UBE2V1: variants seen among roughly 807,000 people sequenced by gnomAD.
UBE2V1 encodes the protein ubiquitin-conjugating enzyme E2 variant 1.
Under a neutral mutation model 19.6 loss-of-function variants are expected in UBE2V1, and 15 were observed. The observed-to-expected ratio is 0.77, with a 90% CI of 0.51 to 1.18. UBE2V1 has a LOEUF of 1.18. UBE2V1 is among the 50% of genes most tolerant of loss of function. The pLI, the probability that UBE2V1 is intolerant of heterozygous loss-of-function variation, is 0.00. For synonymous variants in UBE2V1, 60 were observed against 60.7 expected, an observed-to-expected ratio of 0.99 and a Z score of 0.05; for missense variants, 125 against 184.8, an observed-to-expected ratio of 0.68 and a Z score of 1.88.
intron 1 of UBE2V1, among the ~76,000 whole-genome samples, chr20:50,102,571 T>A (rs1200511396): frequency 1.3e-5 from 2 of 152,192 alleles, no homozygotes; most frequent in Non-Finnish European, 2.9e-5. Flanking sequence ...TTTGTATTTT[T>A]AGTAGAGACG....
intron 2 of UBE2V1, among the ~76,000 whole-genome samples, chr20:50,086,117 G>A (rs370782979): frequency 1.3e-5 from 2 of 152,156 alleles, no homozygotes; most frequent in Admixed American, 6.5e-5. Context: ...GACCTGAAGA[G>A]GAAGCCAAAG....
chr20:50,086,408 C>T (rs1419923155), intron 2 of UBE2V1, among the ~76,000 whole-genome samples: 1 of 152,170 alleles, frequency 6.6e-6, no homozygotes, highest in South Asian at 2.1e-4. Flanking sequence ...TCTCTTCACA[C>T]TTTTATATTA....
intron 2 of UBE2V1, 141 bp downstream of exon 2, chr20:50,096,531 G>C (rs2079636224): frequency 6.4e-7 from 1 of 1,572,788 alleles, no homozygotes; most frequent in South Asian, 1.1e-5. Flanking sequence ...TATATAAACT[G>C]AAACTGGTCA....
At chr20:50,114,586 T>C (rs1179826689), upstream of UBE2V1, among the ~76,000 whole-genome samples, 1 of 152,134 alleles carries the variant, frequency 6.6e-6, no homozygotes, top group African/African-American at 2.4e-5. Context: ...AGGGGACTTA[T>C]TATAATCTCA....
intron 2 of UBE2V1, among the ~76,000 whole-genome samples, chr20:50,094,196 T>G (rs2079452308): frequency 1.6e-5 from 1 of 63,406 alleles, no homozygotes; most frequent in Non-Finnish European, 2.6e-5. Context: ...TATATAAATA[T>G]ACAGTATATA....
chr20:50,100,082 A>G (rs544161680), intron 1 of UBE2V1, among the ~76,000 whole-genome samples: 39 of 152,114 alleles, frequency 2.6e-4, no homozygotes, highest in Non-Finnish European at 5.0e-4. Flanking sequence ...TGGGCGACAG[A>G]GTGAGACCCT....
intron 2 of UBE2V1, among the ~76,000 whole-genome samples, chr20:50,091,067 A>G (rs922118996): frequency 3.3e-5 from 5 of 152,078 alleles, no homozygotes; most frequent in Non-Finnish European, 7.4e-5. Context: ...TTTTTTTGAG[A>G]CAAGAGTCTC....
chr20:50,094,155 A>G (rs1400331091), intron 2 of UBE2V1, among the ~76,000 whole-genome samples: 1 of 135,874 alleles, frequency 7.4e-6, no homozygotes, highest in Non-Finnish European at 1.6e-5. Flanking sequence ...ATATATAATT[A>G]TATGTAATAT....
intron 1 of UBE2V1, among the ~76,000 whole-genome samples, chr20:50,111,996 A>G (rs957784064): frequency 1.1e-4 from 16 of 152,148 alleles, no homozygotes; most frequent in Non-Finnish European, 2.4e-4. Context: ...GCCTCACCCA[A>G]GAGTTCCCAT....
intron 3 of UBE2V1, 42 bp downstream of exon 3, chr20:50,084,087 T>C: frequency 6.5e-7 from 1 of 1,537,202 alleles, no homozygotes; most frequent in Non-Finnish European, 8.7e-7. Flanking sequence ...ACAAAGCAAC[T>C]GTCAACTCCA....
intron 2 of UBE2V1, 166 bp from the exon 3 acceptor site, chr20:50,084,420 A>G (rs771688826): frequency 8.0e-7 from 1 of 1,244,728 alleles, no homozygotes. Context: ...TAGTTCCTAC[A>G]CTAGTTTATA....
chr20:50,095,159 C>T (rs1479802108), intron 2 of UBE2V1: 1 of 152,168 alleles, frequency 6.6e-6, no homozygotes, highest in Non-Finnish European at 1.5e-5. Flanking sequence ...AACAAATCTA[C>T]TGAGTACCCC....
At chr20:50,112,975 T>G in intron 1 of UBE2V1, 132 bp downstream of exon 1, 1 of 401,434 alleles carries the variant, frequency 2.5e-6, no homozygotes, top group Non-Finnish European at 4.3e-6. Context: ...GCCGCGCCGG[T>G]GGCTGCCGCG....
chr20:50,088,785 C>A (rs199809695), intron 2 of UBE2V1, among the ~76,000 whole-genome samples: 511 of 119,176 alleles, frequency 4.3e-3, no homozygotes, highest in African/African-American at 4.8e-3. Flanking sequence ...GACCCTATCT[C>A]AAAAAAAAAA....
At chr20:50,109,012 A>T in intron 1 of UBE2V1, 1 of 985,454 alleles carries the variant, frequency 1.0e-6, no homozygotes, top group Non-Finnish European at 1.2e-6. Flanking sequence ...AACAGGAGTT[A>T]AAAATGCCTG....
chr20:50,104,384 G>T lies in UBE2V1; in HGVS notation c.23-7564C>A, dbSNP rs538703178. The T allele has an allele frequency of 3.5e-5, 34 of 984,376 alleles. No individual in the cohort carries two copies. In the Admixed American group the frequency reaches 1.9e-3, roughly 55 times the overall value. 61.0% of individuals were successfully genotyped at this position (984,376 alleles called of 1,614,324 possible). ...ATATAATTAACATACCTGGCTGGGCGCGGTGGCTCACGCCTATAATCCCAG... is the reference window on the plus strand; with the variant it reads ...ATATAATTAACATACCTGGCTGGGCTCGGTGGCTCACGCCTATAATCCCAG... On this transcript the variant is annotated intron_variant, in intron 1 of 3. Transcript: ENST00000371674.
At chr20:50,097,306 G>A (rs2147094668) in intron 1 of UBE2V1, among the ~76,000 whole-genome samples, 1 of 152,336 alleles carries the variant, frequency 6.6e-6, no homozygotes, top group South Asian at 2.1e-4. Context: ...TCAACTAAGA[G>A]TCAACTGAAG....
chr20:50,088,100 T>TAAAAAA (rs11302479), intron 2 of UBE2V1, among the ~76,000 whole-genome samples: 4 of 109,150 alleles, frequency 3.7e-5, no homozygotes, highest in Non-Finnish European at 5.5e-5. Context: ...GTCTAATCAT[T>TAAAAAA]AAAAAAAAAA....
chr20:50,089,090 A>G (rs1248960955), intron 2 of UBE2V1, among the ~76,000 whole-genome samples: 1 of 152,220 alleles, frequency 6.6e-6, no homozygotes, highest in Non-Finnish European at 1.5e-5. Context: ...AATATAAGAC[A>G]TTGCTTAAAC....
Sources: gnomAD v4.1 joint callset for allele counts (sites outside exome capture counted in the v4.1 genomes callset) on GRCh38, gnomAD v4.1.1 for gene constraint, MANE v1.5 for transcripts, NCBI Gene and HGNC (gene_info 2026-07-23, HGNC 2026-07-21) for gene names.